The following CSNK1G1 variants were observed in gnomAD, a reference collection of about 807,000 sequenced individuals.
The protein encoded by CSNK1G1 is casein kinase I isoform gamma-1.
CSNK1G1 carries 22 observed loss-of-function variants against 59.6 expected under a neutral mutation model. That is an observed-to-expected ratio of 0.37 (90% CI 0.26 to 0.53). The LOEUF (loss-of-function observed/expected upper bound fraction) is 0.53. Ranked by LOEUF, CSNK1G1 falls within the 20% of genes least tolerant of loss-of-function variation. The pLI is 0.89. For missense variants in CSNK1G1, 384 were observed against 519.5 expected (o/e 0.74, Z 2.54); for synonymous variants, 179 against 177.1 (o/e 1.01, Z -0.08).
At chr15:64,229,949 T>C (rs2082523555) in intron 4 of CSNK1G1, among the ~76,000 whole-genome samples, 1 of 113,228 alleles carries the variant, frequency 8.8e-6, no homozygotes, top group African/African-American at 3.3e-5. Context: ...TAAGACAGAA[T>C]CTCACTCTGT....
At chr15:64,301,704 T>C (rs1895347935) in intron 1 of CSNK1G1, among the ~76,000 whole-genome samples, 1 of 152,132 alleles carries the variant, frequency 6.6e-6, no homozygotes, top group South Asian at 2.1e-4. Context: ...CTGGCCAACA[T>C]GGCAAAACCC....
intron 4 of CSNK1G1, among the ~76,000 whole-genome samples, chr15:64,244,155 C>A (rs1490054192): frequency 6.6e-6 from 1 of 151,538 alleles, no homozygotes; most frequent in East Asian, 1.9e-4. Flanking sequence ...GGCGACAGAG[C>A]GAGACTCTGT....
chr15:64,174,069 T>G (rs1247735122), intron 11 of CSNK1G1, among the ~76,000 whole-genome samples: 3 of 152,254 alleles, frequency 2.0e-5, no homozygotes, highest in South Asian at 4.1e-4. Context: ...TACTAACTTT[T>G]AAGTCAACTT....
intron 2 of CSNK1G1, among the ~76,000 whole-genome samples, chr15:64,289,192 A>AT (rs1324006229): frequency 6.6e-6 from 1 of 151,372 alleles, no homozygotes; most frequent in Non-Finnish European, 1.5e-5. Context: ...AAAAAAAAAA[A>AT]AAAAATTCCG....
chr15:64,351,319 T>C (rs905250613), intron 1 of CSNK1G1, among the ~76,000 whole-genome samples: 1 of 152,244 alleles, frequency 6.6e-6, no homozygotes, highest in Non-Finnish European at 1.5e-5. Context: ...CTAATTCTAG[T>C]ATATGGTACA....
In CSNK1G1 at chr15:64,167,854, TGCTTGCTCACTGG is replaced by T. The variant is rs2081619863; in HGVS notation, c.*4064_*4076del. 1 of 152,280 alleles carries T rather than the reference TGCTTGCTCACTGG, an allele frequency of 6.6e-6. No individual in the cohort carries two copies. The highest frequency in any genetic ancestry group is 2.1e-4 in the South Asian group (1 of 4,834). 9.4% of individuals were successfully genotyped at this position (152,280 alleles called of 1,614,324 possible). A position where few individuals can be genotyped will look rare whatever the true frequency, so the allele number is the denominator to read the frequency against. On this transcript the variant is annotated 3_prime_UTR_variant, in exon 12 of 12. Coordinates refer to ENST00000303052, the MANE Select transcript of CSNK1G1 (RefSeq NM_022048.5). ...TCTCATTTTTGAGAAATGCAAGCCATGCTTGCTCACTGGGAGGAGGAATGGATTTTATCTTTTA... is the reference window on the plus strand; with the variant it reads ...TCTCATTTTTGAGAAATGCAAGCCATGAGGAGGAATGGATTTTATCTTTTA...
intron 2 of CSNK1G1, among the ~76,000 whole-genome samples, chr15:64,287,385 C>T (rs949904884): frequency 6.6e-6 from 1 of 152,128 alleles, no homozygotes; most frequent in Admixed American, 6.5e-5. Flanking sequence ...TCATTCTAAA[C>T]TTACAGTCAT....
At chr15:64,280,460 C>T (rs62021618) in intron 2 of CSNK1G1, among the ~76,000 whole-genome samples, 11,133 of 151,698 alleles carry the variant, frequency 0.073, 570 homozygotes, top group Middle Eastern at 0.13. Context: ...AGTGCAGTGG[C>T]GCAATCTTGG....
intron 2 of CSNK1G1, among the ~76,000 whole-genome samples, chr15:64,275,193 C>T (rs887311878): frequency 2.6e-5 from 4 of 152,172 alleles, no homozygotes; most frequent in Non-Finnish European, 5.9e-5. Context: ...AGGTGCATGC[C>T]ACCACACCCA....
rs776381599 is a variant in CSNK1G1, at chr15:64,171,747, G to A, written c.*184C>T. On this transcript the variant is annotated 3_prime_UTR_variant, in exon 12 of 12. Coordinates refer to ENST00000303052, the MANE Select transcript of CSNK1G1 (RefSeq NM_022048.5). This position sits in a 1 kb window ranked among gnomAD's most constrained non-coding sequence, Gnocchi z 4.8. ...CTCAGAGCCTTAGGCAGGCGGAGAT[G>A]GCCAATGACCCACTAGGCCCTGGCT... The A allele has an allele frequency of 4.8e-6, 3 of 625,218 alleles. No individual in the cohort carries two copies. Among genetic ancestry groups the A allele is most frequent in the Non-Finnish European group, 8.5e-6 (3 of 352,682 alleles). The allele number at this position is 625,218 out of a possible 1,614,324, so 38.7% of individuals were successfully genotyped here.
chr15:64,172,117 C>T, intron 11 of CSNK1G1, 132 bp from the exon 12 acceptor site: 1 of 771,272 alleles, frequency 1.3e-6, no homozygotes. Flanking sequence ...CCACCATCTA[C>T]AGTGCACGCA....
At chr15:64,175,322 T>C (rs538952777) in intron 11 of CSNK1G1, among the ~76,000 whole-genome samples, 59 of 151,960 alleles carry the variant, frequency 3.9e-4, no homozygotes, top group African/African-American at 1.1e-3. Context: ...TGAAGACAAA[T>C]AGAAACATGG....
chr15:64,242,508 C>G (rs1300200500), intron 4 of CSNK1G1, among the ~76,000 whole-genome samples: 2 of 152,188 alleles, frequency 1.3e-5, no homozygotes, highest in Non-Finnish European at 2.9e-5. Context: ...AGAAGCCAAG[C>G]AGATGCCTGG....
At chr15:64,231,866 C>T (rs2140292937) in intron 4 of CSNK1G1, among the ~76,000 whole-genome samples, 1 of 152,228 alleles carries the variant, frequency 6.6e-6, no homozygotes, top group South Asian at 2.1e-4. Context: ...CCTCACTGTC[C>T]TAACATGAAC....
In CSNK1G1 at chr15:64,204,516, C is replaced by T. The variant is rs199815021; in HGVS notation, c.924G>A (p.Arg308=). 1 of 1,613,812 alleles carries T rather than the reference C, an allele frequency of 6.2e-7. No homozygotes were observed. The highest frequency in any genetic ancestry group is 8.5e-7 in the Non-Finnish European group (1 of 1,179,878). ...FFEKPDYEYL[R]TLFTDLFEKK... is the part of the protein sequence containing the mutation. ...TTTCAAAGAGGTCTGTGAAGAGGGT[C>T]CGTAAATACTCATAATCAGGTTTTT... The change falls in exon 9 of 12, where the codon CGG becomes CGA. Residue 308 remains arginine, a synonymous_variant. Coordinates refer to ENST00000303052, the MANE Select transcript of CSNK1G1 (RefSeq NM_022048.5).
At position 64,169,969 on chromosome 15, in the gene CSNK1G1, A is replaced by C. The variant is rs1173357194; in HGVS notation, c.*1962T>G. On this transcript the variant is annotated 3_prime_UTR_variant, in exon 12 of 12. Transcript: ENST00000303052. The stretch of plus-strand genomic sequence containing the variant: ...GGCAACTATCAGAAAATATCCCCAC[A>C]CCCTCCAGTACAAAAGACAGCCCTG... 6.6e-6 allele frequency: 1 copy of C among 152,040 alleles called. No homozygotes were observed. The highest frequency in any genetic ancestry group is 2.1e-4 in the South Asian group (1 of 4,814). 9.4% of individuals were successfully genotyped at this position (152,040 alleles called of 1,614,324 possible).
chr15:64,251,989 C>T (rs1341314196), intron 3 of CSNK1G1, among the ~76,000 whole-genome samples: 1 of 151,900 alleles, frequency 6.6e-6, no homozygotes, highest in Non-Finnish European at 1.5e-5. Context: ...AATGCATGCT[C>T]AGAAGAAAAT....
intron 1 of CSNK1G1, among the ~76,000 whole-genome samples, chr15:64,326,461 T>C: frequency 6.6e-6 from 1 of 152,016 alleles, no homozygotes; most frequent in Non-Finnish European, 1.5e-5. Context: ...CTTGCCAACA[T>C]GGTGAAACTC....
intron 4 of CSNK1G1, among the ~76,000 whole-genome samples, chr15:64,222,461 A>G (rs951523660): frequency 1.3e-3 from 185 of 144,924 alleles, no homozygotes; most frequent in Non-Finnish European, 2.2e-3. Flanking sequence ...AAAAAAAAAG[A>G]GGAGGGGGTT....
Sources: allele counts gnomAD v4.1 joint callset (sites outside exome capture counted in the v4.1 genomes callset), GRCh38; gene constraint gnomAD v4.1.1; non-coding constraint Gnocchi (gnomAD v3.1); transcripts MANE v1.5; gene names NCBI Gene and HGNC (gene_info 2026-07-23, HGNC 2026-07-21).